ULK4: variants seen among roughly 807,000 people sequenced by gnomAD.
ULK4 encodes the protein inactive serine/threonine-protein kinase ULK4.
Under a neutral mutation model 160.6 loss-of-function variants are expected in ULK4, and 133 were observed. The observed-to-expected ratio is 0.83, with a 90% CI of 0.72 to 0.96. The LOEUF is 0.96. Ranked by LOEUF, ULK4 falls within the 40% of genes least tolerant of loss-of-function variation. The probability of loss-of-function intolerance (pLI) is 0.00; values close to 1 mark genes in which losing one functional copy is unlikely to be tolerated. For missense variants in ULK4, 1,580 were observed against 1,499.5 expected (o/e 1.05, Z -0.89); for synonymous variants, 534 against 539.8 (o/e 0.99, Z 0.15).
At chr3:41,941,338 T>TG (rs769725612) in intron 2 of ULK4, among the ~76,000 whole-genome samples, 41 of 13,744 alleles carry the variant, frequency 3.0e-3, no homozygotes, top group Non-Finnish European at 0.017. Flanking sequence ...GTGCCCAGCT[T>TG]GAAAAAAAAA....
intron 18 of ULK4, among the ~76,000 whole-genome samples, chr3:41,831,249 C>T (rs2041572053): frequency 6.6e-6 from 1 of 151,864 alleles, no homozygotes; most frequent in Non-Finnish European, 1.5e-5. Context: ...CGGTCTCAAA[C>T]TCCAGGGCTC....
chr3:41,364,088 C>A (rs1213499490), intron 35 of ULK4, among the ~76,000 whole-genome samples: 2 of 152,150 alleles, frequency 1.3e-5, no homozygotes, highest in Non-Finnish European at 2.9e-5. Context: ...TGCGCCACCA[C>A]CCTCAGCTAA....
chr3:41,821,906 T>TC (rs143888961), intron 18 of ULK4, among the ~76,000 whole-genome samples: 8,390 of 152,192 alleles, frequency 0.055, 415 homozygotes, highest in East Asian at 0.16. Context: ...AACAGATCCC[T>TC]CTTAGTCCTT....
Position 41,705,438 on chromosome 3 carries a change from ATAT to A in ULK4, c.2635-136_2635-134del, listed in dbSNP as rs2036843465. The A allele has an allele frequency of 3.6e-5, 17 of 468,766 alleles. 1 individual carries two copies. The South Asian group carries it at 4.2e-4, about 11-fold the overall frequency. The allele number at this position is 468,766 out of a possible 1,614,324, so 29.0% of individuals were successfully genotyped here. A position where few individuals can be genotyped will look rare whatever the true frequency, so the allele number is the denominator to read the frequency against. ...ATAGACAGTATTAAATACTCTATACATATTATATTATTATAGTTACAAAAGTAT... is the reference window on the plus strand; with the variant it reads ...ATAGACAGTATTAAATACTCTATACATATATTATTATAGTTACAAAAGTAT... On this transcript the variant is annotated intron_variant, in intron 25 of 36. Transcript: ENST00000301831.
At position 41,919,797 on chromosome 3, in the gene ULK4, G is replaced by T; in HGVS notation, c.563C>A (p.Pro188Gln). ...RVKGSPVYTA[P>Q]EVVRGADFSI... ...AAAGTCAGCACCCCTCACAACTTCTGGTGCTGTATATACAGGAGATCCTAA... is the reference window on the plus strand; with the variant it reads ...AAAGTCAGCACCCCTCACAACTTCTTGTGCTGTATATACAGGAGATCCTAA... Residue 188 changes from proline (P) to glutamine (Q), a missense_variant, in exon 6 of 37, where the codon CCA (proline) becomes CAA (glutamine). Coordinates refer to ENST00000301831, the MANE Select transcript of ULK4 (RefSeq NM_017886.4). 1 of 1,613,944 alleles carries T rather than the reference G, an allele frequency of 6.2e-7. No homozygotes were observed. Among genetic ancestry groups the T allele is most frequent in the Non-Finnish European group, 8.5e-7 (1 of 1,179,902 alleles).
intron 16 of ULK4, among the ~76,000 whole-genome samples, chr3:41,886,296 T>G (rs1697718361): frequency 6.6e-6 from 1 of 152,222 alleles, no homozygotes; most frequent in African/African-American, 2.4e-5. Flanking sequence ...GTTTATTATC[T>G]GTCTCCCCAA....
chr3:41,952,464 G>C (rs1700323455), intron 2 of ULK4, among the ~76,000 whole-genome samples: 1 of 152,094 alleles, frequency 6.6e-6, no homozygotes, highest in African/African-American at 2.4e-5. Flanking sequence ...CATATGAAAA[G>C]ATGCTGCTCA....
chr3:41,574,358 C>T (rs1489173850), intron 31 of ULK4, among the ~76,000 whole-genome samples: 1 of 151,968 alleles, frequency 6.6e-6, no homozygotes, highest in Non-Finnish European at 1.5e-5. Flanking sequence ...GTTCCCTCAT[C>T]TAGTCAGCCA....
chr3:41,351,132 G>A (rs914934849), intron 35 of ULK4, among the ~76,000 whole-genome samples: 1 of 152,126 alleles, frequency 6.6e-6, no homozygotes, highest in Admixed American at 6.5e-5. Flanking sequence ...TGTAAGAGTC[G>A]TTTTCTGGAA....
intron 35 of ULK4, among the ~76,000 whole-genome samples, chr3:41,386,049 C>T (rs978969774): frequency 6.6e-6 from 1 of 152,164 alleles, no homozygotes; most frequent in African/African-American, 2.4e-5. Flanking sequence ...CCATTCAGAT[C>T]ATAAACTTCA....
At chr3:41,528,355 T>C (rs2086188100) in intron 32 of ULK4, among the ~76,000 whole-genome samples, 1 of 152,236 alleles carries the variant, frequency 6.6e-6, no homozygotes, top group African/African-American at 2.4e-5. Context: ...TCTAATTATA[T>C]ACTTGAATTC....
At chr3:41,875,133 C>T (rs1219778667) in intron 17 of ULK4, among the ~76,000 whole-genome samples, 2 of 152,134 alleles carry the variant, frequency 1.3e-5, no homozygotes, top group Non-Finnish European at 2.9e-5. Flanking sequence ...GAGCCATGAT[C>T]GTGCTACTGC....
chr3:41,735,176 C>T (rs556847692), intron 22 of ULK4, among the ~76,000 whole-genome samples: 3 of 151,792 alleles, frequency 2.0e-5, no homozygotes, highest in Non-Finnish European at 4.4e-5. Flanking sequence ...CTAATGAATG[C>T]GAAAAGGAAG....
At chr3:41,330,622 T>C (rs1175630698) in intron 35 of ULK4, among the ~76,000 whole-genome samples, 2 of 152,174 alleles carry the variant, frequency 1.3e-5, no homozygotes, top group Non-Finnish European at 2.9e-5. Flanking sequence ...TGAGAAGCCA[T>C]GTTTACCCCT....
intron 35 of ULK4, among the ~76,000 whole-genome samples, chr3:41,287,775 C>T (rs1191938279): frequency 6.6e-6 from 1 of 152,168 alleles, no homozygotes; most frequent in Non-Finnish European, 1.5e-5. Context: ...TTAACATTTG[C>T]CAGAGCCCAA....
At chr3:41,362,350 T>C (rs1330578666) in intron 35 of ULK4, among the ~76,000 whole-genome samples, 1 of 152,192 alleles carries the variant, frequency 6.6e-6, no homozygotes, top group East Asian at 1.9e-4. Flanking sequence ...GTGACTGAAA[T>C]AGAGACTGAC....
chr3:41,499,803 T>C (rs1448376630), intron 32 of ULK4, among the ~76,000 whole-genome samples: 1 of 152,190 alleles, frequency 6.6e-6, no homozygotes, highest in East Asian at 1.9e-4. Context: ...AAGTCCTTCT[T>C]TAATATGAGA....
intron 30 of ULK4, among the ~76,000 whole-genome samples, chr3:41,630,709 T>G (rs2033705887): frequency 6.6e-6 from 1 of 152,200 alleles, no homozygotes; most frequent in Non-Finnish European, 1.5e-5. Context: ...CATCTTGCAG[T>G]TCTGCCTACC....
intron 20 of ULK4, among the ~76,000 whole-genome samples, chr3:41,797,396 G>C (rs1325184938): frequency 1.3e-5 from 2 of 152,160 alleles, no homozygotes; most frequent in Admixed American, 1.3e-4. Flanking sequence ...ATCTGGTACA[G>C]TTAAGAGTCA....
Sources: allele counts gnomAD v4.1 joint callset (sites outside exome capture counted in the v4.1 genomes callset), GRCh38; gene constraint gnomAD v4.1.1; transcripts MANE v1.5; gene names NCBI Gene and HGNC (gene_info 2026-07-23, HGNC 2026-07-21).